The following PLEKHG5 variants were observed in gnomAD, a reference collection of about 807,000 sequenced individuals.
PLEKHG5 encodes the protein pleckstrin homology and RhoGEF domain containing G5.
A neutral mutation model predicts 103.8 loss-of-function variants in PLEKHG5; 52 were observed. The observed-to-expected ratio is 0.50, with a 90% CI of 0.40 to 0.63. The LOEUF (loss-of-function observed/expected upper bound fraction) is 0.63. Ranked by LOEUF, PLEKHG5 falls within the 30% of genes least tolerant of loss-of-function variation. The pLI is 0.00. For missense variants in PLEKHG5, 1,205 were observed against 1,347.6 expected (o/e 0.89, Z 1.66); for synonymous variants, 592 against 575.5 (o/e 1.03, Z -0.41).
At chr1:6,480,410 G>A (rs1261100945) in intron 1 of PLEKHG5, among the ~76,000 whole-genome samples, 1 of 151,610 alleles carries the variant, frequency 6.6e-6, no homozygotes. Context: ...TACGCCTGTA[G>A]TCCCAGCTAC....
upstream of PLEKHG5, among the ~76,000 whole-genome samples, chr1:6,499,464 G>T (rs907961807): frequency 2.0e-5 from 3 of 152,220 alleles, no homozygotes; most frequent in Non-Finnish European, 2.9e-5. Context: ...CTGATCCCCT[G>T]GTCCTGGCTC....
At chr1:6,483,414 C>A (rs780381137) in intron 1 of PLEKHG5, among the ~76,000 whole-genome samples, 1 of 152,240 alleles carries the variant, frequency 6.6e-6, no homozygotes, top group Non-Finnish European at 1.5e-5. Flanking sequence ...TCAACCCCTG[C>A]AGCTCTTTCT....
At chr1:6,499,940 C>T (rs1167856499), upstream of PLEKHG5, among the ~76,000 whole-genome samples, 2 of 152,170 alleles carry the variant, frequency 1.3e-5, no homozygotes, top group Non-Finnish European at 2.9e-5. Context: ...GCTGGGACCA[C>T]CGGTGCACAC....
upstream of PLEKHG5, chr1:6,497,116 C>G (rs918618938): frequency 8.8e-6 from 12 of 1,355,986 alleles, no homozygotes; most frequent in Admixed American, 1.9e-4. This position sits in a 1 kb window ranked among gnomAD's most constrained non-coding sequence, Gnocchi z 6.1. Flanking sequence ...GCGGCGCAAC[C>G]AGCGAGAGGC....
rs773801726 is a variant in PLEKHG5 at position 6,470,566 on chromosome 1, G to A, written c.1620C>T (p.Ala540=). The A allele has an allele frequency of 4.4e-6, 7 of 1,586,302 alleles. No individual in the cohort carries two copies. Among genetic ancestry groups the A allele is most frequent in the African/African-American group, 1.3e-5 (1 of 74,100 alleles). Residue 540 remains alanine, a synonymous_variant, in exon 15 of 21, where the codon GCC becomes GCT. Coordinates refer to ENST00000377728, the MANE Select transcript of PLEKHG5 (RefSeq NM_020631.6). ...RQRQERQRLA[A]VVSRIDAYEV... is the part of the protein sequence containing the mutation. ...CGTAGGCGTCGATGCGGCTCACCAC[G>A]GCCGCCAGCCGCTGCCGCTCCTGCC...
intron 1 of PLEKHG5, among the ~76,000 whole-genome samples, chr1:6,518,584 AAAAAG>A (rs1470456718): frequency 4.6e-5 from 7 of 151,922 alleles, no homozygotes; most frequent in Non-Finnish European, 8.8e-5. Flanking sequence ...AAGAAAAAGA[AAAAAG>A]AAAAGAAAAT....
intron 1 of PLEKHG5, among the ~76,000 whole-genome samples, chr1:6,518,572 A>G (rs1338997484): frequency 5.9e-5 from 9 of 151,694 alleles, no homozygotes; most frequent in Non-Finnish European, 1.0e-4. Flanking sequence ...AAAAAAAAAA[A>G]AAAGAAAAAG....
In PLEKHG5 at chr1:6,476,014, C is replaced by G. The variant is rs1181426102; in HGVS notation, c.66G>C (p.Val22=). The change falls in exon 3 of 21, where the codon GTG becomes GTC. Residue 22 remains valine (V), a synonymous_variant. Transcript: ENST00000377728. ...TGCGCGGCGGGCATGACCGGGTGGA[C>G]ACGTTCCGGGCCAGCACAGAGCCTT... is the stretch of plus-strand genomic sequence containing the variant. ...PPQGSVLARN[V]STRSCPPRTS... is the part of the protein sequence containing the mutation. The G allele has an allele frequency of 1.2e-6, 2 of 1,613,428 alleles. No individual in the cohort carries two copies. The highest frequency in any genetic ancestry group is 1.7e-6 in the Non-Finnish European group (2 of 1,180,030).
rs752957616 is a variant in PLEKHG5 at position 6,473,978 on chromosome 1, CCACCCCCTCCCCTGACA to C, written c.591+18_591+34del. ...CTGTGGGCCCAGCCTGGGCCCCTTC[CCACCCCCTCCCCTGACA>C]CACCCCCTCCTCCTCACCAAGATGT... On this transcript the variant is annotated intron_variant, in intron 7 of 20. Coordinates refer to ENST00000377728, the MANE Select transcript of PLEKHG5 (RefSeq NM_020631.6). 1.7e-6 allele frequency: 2 copies of C among 1,146,624 alleles called. No individual in the cohort carries two copies. The highest frequency in any genetic ancestry group is 2.6e-6 in the Non-Finnish European group (2 of 779,642). 71.0% of individuals were successfully genotyped at this position (1,146,624 alleles called of 1,614,324 possible). A position where few individuals can be genotyped will look rare whatever the true frequency, so the allele number is the denominator to read the frequency against.
intron 1 of PLEKHG5, among the ~76,000 whole-genome samples, chr1:6,480,898 C>T (rs541752434): frequency 3.9e-5 from 6 of 152,220 alleles, no homozygotes; most frequent in Admixed American, 3.3e-4. Context: ...GCCTCAGCCT[C>T]CCAAAGTGCT....
intron 12 of PLEKHG5, 164 bp from the exon 13 acceptor site, chr1:6,471,264 C>A: frequency 6.4e-6 from 5 of 781,232 alleles, no homozygotes; most frequent in Non-Finnish European, 1.1e-5. Flanking sequence ...TGAGCCTCAG[C>A]CAAAGTGACC....
chr1:6,474,791 C>T lies in PLEKHG5; in HGVS notation c.303-204G>A, dbSNP rs541989839. On this transcript the variant is annotated intron_variant, in intron 5 of 20. Transcript: ENST00000377728. The stretch of plus-strand genomic sequence containing the variant: ...CTCACACAGGCGCATCTGCATACCA[C>T]GGCAGACCTGTCACACGCCTGCCCA... 193 of 663,756 alleles carry T rather than the reference C, an allele frequency of 2.9e-4. 1 individual carries two copies. Among genetic ancestry groups the T allele is most frequent in the South Asian group, 2.6e-3 (152 of 58,160 alleles). 41.1% of individuals were successfully genotyped at this position (663,756 alleles called of 1,614,324 possible).
chr1:6,497,074 T>C, upstream of PLEKHG5: 1 of 1,487,914 alleles, frequency 6.7e-7, no homozygotes. This position sits in a 1 kb window ranked among gnomAD's most constrained non-coding sequence, Gnocchi z 6.1. Flanking sequence ...CCTCTCTTCC[T>C]GGGGGCTGGA....
chr1:6,509,384 A>G (rs150802335), intron 1 of PLEKHG5, among the ~76,000 whole-genome samples: 123 of 152,350 alleles, frequency 8.1e-4, no homozygotes, highest in African/African-American at 2.7e-3. Context: ...GGAGGGGGCG[A>G]GTCCTCTGCA....
intron 10 of PLEKHG5, 113 bp downstream of exon 10, chr1:6,472,414 C>T (rs1267863043): frequency 3.7e-6 from 3 of 810,008 alleles, no homozygotes; most frequent in Non-Finnish European, 4.2e-6. Flanking sequence ...GACTTTCCTG[C>T]CCCCACCTCA....
rs1644485729 is a variant in PLEKHG5, at chr1:6,469,120, CCTTCCTCCTCCTCCTCCTCCTCCTCCT to C, written c.2144_2170del (p.Glu715_Glu723del). On this transcript the variant is annotated inframe_deletion, in exon 19 of 21. Coordinates refer to ENST00000377728, the MANE Select transcript of PLEKHG5 (RefSeq NM_020631.6). ...GGCAGCTGAAGTGCCACTGTCCTCG[CCTTCCTCCTCCTCCTCCTCCTCCTCCT>C]CTTCCTCCTCCTGCTCATCCTCCTC... The C allele has an allele frequency of 1.2e-6, 2 of 1,607,868 alleles. No individual in the cohort carries two copies. Among genetic ancestry groups the C allele is most frequent in the Non-Finnish European group, 8.5e-7 (1 of 1,179,144 alleles).
At chr1:6,498,314 G>A (rs1645256372), upstream of PLEKHG5, among the ~76,000 whole-genome samples, 2 of 152,160 alleles carry the variant, frequency 1.3e-5, no homozygotes, top group African/African-American at 4.8e-5. Context: ...CCCTTCACTG[G>A]AAGGCCTCTC....
At chr1:6,511,251 G>GC (rs1638463789) in intron 1 of PLEKHG5, among the ~76,000 whole-genome samples, 1 of 152,094 alleles carries the variant, frequency 6.6e-6, no homozygotes, top group African/African-American at 2.4e-5. Flanking sequence ...CTCAGCCTTA[G>GC]CCCCCAACAC....
At chr1:6,506,858 C>G (rs1410955944) in intron 1 of PLEKHG5, among the ~76,000 whole-genome samples, 1 of 152,206 alleles carries the variant, frequency 6.6e-6, no homozygotes, top group Non-Finnish European at 1.5e-5. Flanking sequence ...CACACTTCAC[C>G]AGGCTGCCTC....
Sources: allele counts gnomAD v4.1 joint callset (sites outside exome capture counted in the v4.1 genomes callset), GRCh38; gene constraint gnomAD v4.1.1; non-coding constraint Gnocchi (gnomAD v3.1); transcripts MANE v1.5; gene names NCBI Gene and HGNC (gene_info 2026-07-23, HGNC 2026-07-21).